The following ATXN2 variants were observed in gnomAD, a reference collection of about 807,000 sequenced individuals.
The protein encoded by ATXN2 is ataxin-2.
A neutral mutation model predicts 138.6 loss-of-function variants in ATXN2; 37 were observed. The observed-to-expected ratio is 0.27, with a 90% confidence interval of 0.21 to 0.35. ATXN2 has a LOEUF of 0.35. ATXN2 is among the 10% of genes least tolerant of loss of function. The pLI is 1.00. For missense variants in ATXN2, 1,216 were observed against 1,480.3 expected (o/e 0.82, Z 2.93); for synonymous variants, 549 against 543.7 (o/e 1.01, Z -0.13).
At chr12:111,594,159 G>A (rs182093219) in intron 1 of ATXN2, among the ~76,000 whole-genome samples, 79 of 152,116 alleles carry the variant, frequency 5.2e-4, no homozygotes, top group African/African-American at 1.9e-3. Flanking sequence ...ACTCCAAAAG[G>A]ACAATATGTT....
chr12:111,585,281 G>C (rs1242219738), intron 1 of ATXN2, among the ~76,000 whole-genome samples: 1 of 150,026 alleles, frequency 6.7e-6, no homozygotes, highest in Non-Finnish European at 1.5e-5. Flanking sequence ...GGGAGGCCTA[G>C]GCAGGTGGAT....
chr12:111,523,991 C>T (rs1015658925), intron 6 of ATXN2, among the ~76,000 whole-genome samples: 1 of 152,086 alleles, frequency 6.6e-6, no homozygotes, highest in African/African-American at 2.4e-5. Flanking sequence ...GATAGAACTG[C>T]TGGAACAAAG....
intron 20 of ATXN2, among the ~76,000 whole-genome samples, chr12:111,465,767 C>CAAAAAAAAAA (rs61456193): frequency 2.8e-5 from 1 of 36,270 alleles, no homozygotes; most frequent in Non-Finnish European, 7.7e-5. Flanking sequence ...GAGACTACCT[C>CAAAAAAAAAA]AAAAAAAAAA....
chr12:111,478,403 CAAATAAAT>C (rs200071981), intron 18 of ATXN2, among the ~76,000 whole-genome samples: 1 of 151,686 alleles, frequency 6.6e-6, no homozygotes, highest in Non-Finnish European at 1.5e-5. Flanking sequence ...GAGATTCCAT[CAAATAAAT>C]AAATAAATAA....
chr12:111,473,641 C>T (rs534950457), intron 18 of ATXN2, among the ~76,000 whole-genome samples: 7 of 152,014 alleles, frequency 4.6e-5, no homozygotes, highest in Admixed American at 3.9e-4. Flanking sequence ...AATTAAGGCG[C>T]TAAAGGGACA....
intron 18 of ATXN2, among the ~76,000 whole-genome samples, chr12:111,474,397 C>CAA (rs11458752): frequency 3.6e-4 from 53 of 146,980 alleles, no homozygotes; most frequent in East Asian, 2.0e-3. Flanking sequence ...GACTCTGTCT[C>CAA]AAAAAAAAAC....
In ATXN2 at chr12:111,572,262, G is replaced by A. The variant is rs1048408534; in HGVS notation, c.252-16343C>T. Among the ~76,000 whole-genome samples the A allele has an allele frequency of 8.6e-5, 13 of 151,880 alleles. 1 individual carries two copies. Among genetic ancestry groups the A allele is most frequent in the East Asian group, 3.9e-4 (2 of 5,156 alleles). ...CTAAATACAAAGAAATTAGCCGAGC[G>A]TGGTGGCACATGCCTATAACCCCAG... is the stretch of plus-strand genomic sequence containing the variant. On this transcript the variant is annotated intron_variant, in intron 1 of 24. Coordinates refer to ENST00000673436, the MANE Select transcript of ATXN2 (RefSeq NM_001372574.1).
chr12:111,501,086 C>G lies in ATXN2; in HGVS notation c.1935+8463G>C, dbSNP rs114333547. Among the ~76,000 whole-genome samples the G allele has an allele frequency of 1.9e-3, 287 of 152,164 alleles. 1 individual carries two copies. Among genetic ancestry groups the G allele is most frequent in the Middle Eastern group, 0.01 (3 of 294 alleles). On this transcript the variant is annotated intron_variant, in intron 14 of 24. Coordinates refer to ENST00000673436, the MANE Select transcript of ATXN2 (RefSeq NM_001372574.1). ...CCCATTTACCCTAATGTGATTATTA[C>G]ACATTATATGCCTTTATCTAAATAT...
intron 21 of ATXN2, among the ~76,000 whole-genome samples, chr12:111,463,856 G>A (rs534348313): frequency 1.3e-5 from 2 of 151,986 alleles, no homozygotes; most frequent in South Asian, 2.1e-4. Flanking sequence ...GCACGACTTC[G>A]GCTCACTGCA....
At chr12:111,567,475 G>A (rs1258054273) in intron 1 of ATXN2, among the ~76,000 whole-genome samples, 3 of 151,736 alleles carry the variant, frequency 2.0e-5, no homozygotes, top group African/African-American at 7.3e-5. Context: ...ACTCCAGCCT[G>A]GGAGACAGAG....
chr12:111,496,470 A>C (rs1282689503), intron 14 of ATXN2, among the ~76,000 whole-genome samples: 1 of 152,170 alleles, frequency 6.6e-6, no homozygotes, highest in Non-Finnish European at 1.5e-5. Flanking sequence ...GGGGAGGCAG[A>C]GGTTGCAGTA....
chr12:111,486,640 G>T, intron 16 of ATXN2, 121 bp downstream of exon 16: 1 of 728,142 alleles, frequency 1.4e-6, no homozygotes, highest in Non-Finnish European at 2.3e-6. Flanking sequence ...GTAAAAAAAA[G>T]AAAGAAGGTT....
chr12:111,598,108 G>A lies in ATXN2; in HGVS notation c.251+676C>T, dbSNP rs1566090007. 2.7e-6 allele frequency: 3 copies of A among 1,118,758 alleles called. No homozygotes were observed. The highest frequency in any genetic ancestry group is 3.3e-6 in the Non-Finnish European group (3 of 903,310). 69.3% of individuals were successfully genotyped at this position (1,118,758 alleles called of 1,614,324 possible). ...GGCCACATGGAGCCCCACGATTTCA[G>A]GGGAGTTCGGGAGCCCCCGCCGCCG... On this transcript the variant is annotated intron_variant, in intron 1 of 24. Coordinates refer to ENST00000673436, the MANE Select transcript of ATXN2 (RefSeq NM_001372574.1). The surrounding 1 kb of genome is among the most constrained non-coding windows in gnomAD (Gnocchi z 4.5).
At chr12:111,589,251 G>A (rs1408190099) in intron 1 of ATXN2, among the ~76,000 whole-genome samples, 2 of 151,764 alleles carry the variant, frequency 1.3e-5, no homozygotes, top group African/African-American at 2.4e-5. Flanking sequence ...GGAGGCGGAG[G>A]TTGCAGTAAG....
At chr12:111,460,733 T>A (rs1384202848) in intron 21 of ATXN2, among the ~76,000 whole-genome samples, 1 of 152,116 alleles carries the variant, frequency 6.6e-6, no homozygotes, top group Non-Finnish European at 1.5e-5. Flanking sequence ...ATAATTTAAG[T>A]TATTCATCAA....
intron 5 of ATXN2, among the ~76,000 whole-genome samples, chr12:111,535,653 G>A (rs2135760467): frequency 6.6e-6 from 1 of 151,586 alleles, no homozygotes; most frequent in African/African-American, 2.4e-5. Flanking sequence ...GCACAAAGTT[G>A]GTGATGTCTA....
chr12:111,465,369 A>G (rs1875916562), intron 20 of ATXN2, among the ~76,000 whole-genome samples: 1 of 151,936 alleles, frequency 6.6e-6, no homozygotes, highest in Non-Finnish European at 1.5e-5. Context: ...TCAAAAAAGG[A>G]TTCTGGATCT....
chr12:111,535,520 G>A (rs1881104931), intron 5 of ATXN2, among the ~76,000 whole-genome samples: 1 of 152,052 alleles, frequency 6.6e-6, no homozygotes, highest in Non-Finnish European at 1.5e-5. Flanking sequence ...TTCTCGGGAG[G>A]CTCAGGCAGG....
intron 1 of ATXN2, among the ~76,000 whole-genome samples, chr12:111,582,074 C>T (rs565037666): frequency 6.6e-6 from 1 of 152,200 alleles, no homozygotes; most frequent in South Asian, 2.1e-4. Context: ...TGCCTCATGG[C>T]CTTAATTTCA....
Sources: gnomAD v4.1 joint callset for allele counts (sites outside exome capture counted in the v4.1 genomes callset) on GRCh38, gnomAD v4.1.1 for gene constraint, Gnocchi (gnomAD v3.1) non-coding constraint, MANE v1.5 for transcripts, NCBI Gene and HGNC (gene_info 2026-07-23, HGNC 2026-07-21) for gene names.